The following PTPRE variants were observed in gnomAD, a reference collection of about 807,000 sequenced individuals.
PTPRE encodes receptor-type tyrosine-protein phosphatase epsilon.
In PTPRE, 51 loss-of-function variants were observed where a neutral mutation model predicts 102.0. The ratio of observed to expected loss-of-function variants is 0.50; its 90% CI spans 0.40 to 0.63. The LOEUF (loss-of-function observed/expected upper bound fraction) is 0.63. Among genes scored for constraint, PTPRE ranks in the 30% least tolerant of loss-of-function variants. The probability of loss-of-function intolerance (pLI) is 0.00; values close to 1 mark genes in which losing one functional copy is unlikely to be tolerated. For synonymous variants in PTPRE, 345 were observed against 348.2 expected (o/e 0.99, Z 0.10); for missense variants, 752 against 915.1 (o/e 0.82, Z 2.30).
chr10:128,026,285 C>T (rs1193488255), intron 2 of PTPRE, among the ~76,000 whole-genome samples: 3 of 152,254 alleles, frequency 2.0e-5, no homozygotes, highest in African/African-American at 7.2e-5. Context: ...CAAAGGGGCA[C>T]TGCCTGTCTG....
intron 1 of PTPRE, among the ~76,000 whole-genome samples, chr10:127,975,383 AATT>A (rs748161174): frequency 9.2e-5 from 14 of 152,220 alleles, no homozygotes; most frequent in Non-Finnish European, 1.5e-4. Context: ...CGTGAATAAT[AATT>A]ATTATTATTT....
At chr10:127,923,261 A>G (rs1442888132) in intron 1 of PTPRE, among the ~76,000 whole-genome samples, 3 of 152,224 alleles carry the variant, frequency 2.0e-5, no homozygotes, top group African/African-American at 7.2e-5. Context: ...CAGGCTTCCC[A>G]GAAGCAGACA....
At position 128,008,419 on chromosome 10, in the gene PTPRE, C is replaced by T. The variant is rs1218123289; in HGVS notation, c.-8+26123C>T. Among the ~76,000 whole-genome samples, 1 of 152,198 alleles carries T rather than the reference C, an allele frequency of 6.6e-6. No individual in the cohort carries two copies. Among genetic ancestry groups the T allele is most frequent in the African/African-American group, 2.4e-5 (1 of 41,440 alleles). On this transcript the variant is annotated intron_variant, in intron 2 of 20. Transcript: ENST00000254667. This position sits in a 1 kb window ranked among gnomAD's most constrained non-coding sequence, Gnocchi z 4.0. ...AAAGCCTCCCATCAAGGAGAGAAAT[C>T]CTAGAGATGCTTAGCAAAAGTTTCA...
At chr10:128,047,920 G>T in intron 5 of PTPRE, 83 bp downstream of exon 5, 5 of 1,405,342 alleles carry the variant, frequency 3.6e-6, no homozygotes, top group Non-Finnish European at 3.8e-6. Flanking sequence ...TGCCTTTAAC[G>T]TTCAAAGTAA....
intron 2 of PTPRE, among the ~76,000 whole-genome samples, chr10:127,993,154 G>T (rs57022864): frequency 0.18 from 27,247 of 152,006 alleles, 2,661 homozygotes; most frequent in East Asian, 0.37. Flanking sequence ...CTACATCAGG[G>T]GTGTCACAGC....
intron 1 of PTPRE, among the ~76,000 whole-genome samples, chr10:127,937,124 G>A (rs1396123970): frequency 1.3e-5 from 2 of 152,152 alleles, no homozygotes; most frequent in Non-Finnish European, 2.9e-5. Context: ...CCAAGGTGAA[G>A]GTGTTGATGC....
chr10:127,936,318 G>T (rs1384796500), intron 1 of PTPRE, among the ~76,000 whole-genome samples: 1 of 152,060 alleles, frequency 6.6e-6, no homozygotes, highest in Non-Finnish European at 1.5e-5. Context: ...TCATAAATGG[G>T]TATGGATTTG....
At chr10:128,004,903 T>C (rs1854363078) in intron 2 of PTPRE, among the ~76,000 whole-genome samples, 2 of 152,256 alleles carry the variant, frequency 1.3e-5, no homozygotes, top group South Asian at 4.1e-4. Flanking sequence ...CTGGGCTTCC[T>C]TTTATTTTTT....
intron 1 of PTPRE, among the ~76,000 whole-genome samples, chr10:127,970,982 A>G (rs1043166475): frequency 2.0e-5 from 3 of 152,138 alleles, no homozygotes; most frequent in African/African-American, 4.8e-5. Context: ...TAATTGATGT[A>G]GCAAAATCAG....
chr10:128,073,551 C>G, intron 17 of PTPRE, 80 bp downstream of exon 17: 8 of 1,496,860 alleles, frequency 5.3e-6, no homozygotes, highest in Non-Finnish European at 7.2e-6. Flanking sequence ...ACAAATGTCC[C>G]ACCTGCCATC....
At chr10:128,069,551 T>C (rs4350282) in intron 12 of PTPRE, 141 bp from the exon 13 acceptor site, 1,120,147 of 1,120,348 alleles carry the variant, frequency 1, 559,973 homozygotes, top group Middle Eastern at 1. Context: ...CTCTGGTGGC[T>C]GCACTGTAGC....
chr10:128,056,279 GCTCCCCGTGA>G lies in PTPRE; in HGVS notation c.511+69_511+78del. The G allele has an allele frequency of 2.2e-6, 3 of 1,371,448 alleles. No individual in the cohort carries two copies. In the South Asian group the frequency reaches 3.5e-5, roughly 16 times the overall value. 85.0% of individuals were successfully genotyped at this position (1,371,448 alleles called of 1,614,324 possible). A position where few individuals can be genotyped will look rare whatever the true frequency, so the allele number is the denominator to read the frequency against. ...GCACTAAACTCAGCTTTGCCTTGCA[GCTCCCCGTGA>G]CTGCAGGCCATTCCTGGTGCTCAGA... is the stretch of plus-strand genomic sequence containing the variant. On this transcript the variant is annotated intron_variant, in intron 7 of 20. Coordinates refer to ENST00000254667, the MANE Select transcript of PTPRE (RefSeq NM_006504.6).
At position 128,059,445 on chromosome 10, in the gene PTPRE, G is replaced by A. The variant is rs77948825; in HGVS notation, c.512-1494G>A. Among the ~76,000 whole-genome samples, 903 of 152,312 alleles carry A rather than the reference G, an allele frequency of 5.9e-3. 9 individuals are homozygous for A. The highest frequency in any genetic ancestry group is 0.01 in the Non-Finnish European group (689 of 67,996). ...CTGGCAGCCTTCCAGGTGAAGGTGA[G>A]ACAAACAAGGCATGACCTGGGGGCT... is the stretch of plus-strand genomic sequence containing the variant. On this transcript the variant is annotated intron_variant, in intron 7 of 20. Transcript: ENST00000254667.
chr10:127,938,250 G>C (rs1847971712), intron 1 of PTPRE, among the ~76,000 whole-genome samples: 1 of 152,210 alleles, frequency 6.6e-6, no homozygotes, highest in African/African-American at 2.4e-5. Flanking sequence ...CTTAATTAGG[G>C]GGAGTGTGCT....
chr10:128,055,727 C>T (rs931172198), intron 6 of PTPRE, among the ~76,000 whole-genome samples: 11 of 152,188 alleles, frequency 7.2e-5, no homozygotes, highest in Admixed American at 6.5e-5. Context: ...TGCCTGTCCT[C>T]GCTCCCCCAT....
intron 19 of PTPRE, among the ~76,000 whole-genome samples, 170 bp downstream of exon 19, chr10:128,077,953 A>G (rs1448826685): frequency 1.3e-5 from 2 of 152,248 alleles, no homozygotes; most frequent in Admixed American, 6.5e-5. Context: ...ACTTAAGTAC[A>G]TACATGTCAT....
intron 7 of PTPRE, among the ~76,000 whole-genome samples, chr10:128,060,663 C>G (rs1329169858): frequency 6.6e-6 from 1 of 152,190 alleles, no homozygotes; most frequent in Non-Finnish European, 1.5e-5. Context: ...CCAGCAGCCC[C>G]CATCCTGGAT....
chr10:128,013,483 G>A (rs1214451841), intron 2 of PTPRE, among the ~76,000 whole-genome samples: 1 of 152,192 alleles, frequency 6.6e-6, no homozygotes, highest in African/African-American at 2.4e-5. Context: ...AGCACCTGCT[G>A]AGAAAAGCAA....
At chr10:128,018,458 A>G (rs1055656339) in intron 2 of PTPRE, among the ~76,000 whole-genome samples, 2 of 152,198 alleles carry the variant, frequency 1.3e-5, no homozygotes, top group African/African-American at 2.4e-5. Context: ...TTGTGGTCCA[A>G]TCAAAATAGG....
Sources: allele counts gnomAD v4.1 joint callset (sites outside exome capture counted in the v4.1 genomes callset), GRCh38; gene constraint gnomAD v4.1.1; non-coding constraint Gnocchi (gnomAD v3.1); transcripts MANE v1.5; gene names NCBI Gene and HGNC (gene_info 2026-07-23, HGNC 2026-07-21).